Variants in CORO2B observed in about 807,000 individuals in gnomAD.
CORO2B encodes coronin-2B.
Under a neutral mutation model 58.8 loss-of-function variants are expected in CORO2B, and 26 were observed. That is an observed-to-expected ratio of 0.44 (90% CI 0.32 to 0.61). The LOEUF (loss-of-function observed/expected upper bound fraction) is 0.61, where lower values mean the gene tolerates loss of function less well. Ranked by LOEUF, CORO2B falls within the 20% of genes least tolerant of loss-of-function variation. The pLI is 0.04. For synonymous variants in CORO2B, 242 were observed against 253.8 expected (o/e 0.95, Z 0.44); for missense variants, 460 against 645.1 (o/e 0.71, Z 3.11).
intron 2 of CORO2B, among the ~76,000 whole-genome samples, chr15:68,687,982 G>C (rs886295742): frequency 6.6e-6 from 1 of 152,144 alleles, no homozygotes; most frequent in Non-Finnish European, 1.5e-5. Flanking sequence ...ATGAACTCTG[G>C]GGAACATGTT....
At chr15:68,590,793 G>A (rs900258693) in intron 1 of CORO2B, among the ~76,000 whole-genome samples, 2 of 152,164 alleles carry the variant, frequency 1.3e-5, no homozygotes, top group African/African-American at 4.8e-5. Context: ...AATGAGGCAG[G>A]AGGGAGAGCT....
chr15:68,680,180 G>T (rs1902733299), intron 2 of CORO2B, among the ~76,000 whole-genome samples: 1 of 152,260 alleles, frequency 6.6e-6, no homozygotes. Flanking sequence ...CCACTTCAAT[G>T]ACAACAGTAT....
At chr15:68,611,633 T>C (rs1376487484) in intron 1 of CORO2B, among the ~76,000 whole-genome samples, 3 of 152,204 alleles carry the variant, frequency 2.0e-5, no homozygotes, top group South Asian at 2.1e-4. Flanking sequence ...CTACAATTGA[T>C]TGAATTAGAT....
intron 11 of CORO2B, among the ~76,000 whole-genome samples, chr15:68,720,504 T>C (rs1893135820): frequency 6.6e-6 from 1 of 152,204 alleles, no homozygotes; most frequent in Non-Finnish European, 1.5e-5. Flanking sequence ...AGTTACACTG[T>C]CCACTGGGGC....
Position 68,725,913 on chromosome 15 carries a change from T to C in CORO2B, c.1382T>C (p.Ile461Thr). 6.2e-7 allele frequency: 1 copy of C among 1,614,018 alleles called. No homozygotes were observed. Among genetic ancestry groups the C allele is most frequent in the South Asian group, 1.1e-5 (1 of 91,078 alleles). The change falls in exon 12 of 12, where the codon ATC becomes ACC. Residue 461 changes from isoleucine to threonine, a missense_variant. By Grantham distance (89) the Ile-to-Thr change is moderately conservative. Around this residue, in one of 2 missense-constraint regions of CORO2B, gnomAD observed 108 missense variants for 102.1 expected, o/e 1.06. Transcript: ENST00000261861. ...RLKEELAQKD[I>T]RIRQLQLELK... ...AAAGAGGAGCTGGCCCAGAAGGACA[T>C]CCGCATTCGGCAGCTCCAGCTGGAA...
chr15:68,663,910 A>G (rs1249901241), intron 2 of CORO2B, among the ~76,000 whole-genome samples: 2 of 152,220 alleles, frequency 1.3e-5, no homozygotes, highest in Non-Finnish European at 2.9e-5. Flanking sequence ...AATTGTTTAT[A>G]TGCTTTGTTC....
chr15:68,646,609 G>A (rs571864036), intron 2 of CORO2B, among the ~76,000 whole-genome samples: 1 of 152,182 alleles, frequency 6.6e-6, no homozygotes, highest in Non-Finnish European at 1.5e-5. Flanking sequence ...ATGGCGGGAG[G>A]TCTGGGTTCT....
chr15:68,575,284 G>A (rs1240627034), upstream of CORO2B, among the ~76,000 whole-genome samples: 1 of 152,056 alleles, frequency 6.6e-6, no homozygotes, highest in East Asian at 1.9e-4. Flanking sequence ...GGTCTCTGGG[G>A]AACTGAGCCT....
intron 1 of CORO2B, among the ~76,000 whole-genome samples, chr15:68,606,336 T>C (rs1207170049): frequency 6.6e-6 from 1 of 152,122 alleles, no homozygotes. Context: ...TGGAGATCCC[T>C]CCAGGCCAGT....
chr15:68,594,290 T>C (rs1375408435), intron 1 of CORO2B, among the ~76,000 whole-genome samples: 1 of 152,160 alleles, frequency 6.6e-6, no homozygotes, highest in Non-Finnish European at 1.5e-5. Flanking sequence ...GGGGCAGCAG[T>C]GACTGAAGCA....
At chr15:68,518,975 T>G in the CORO2B span, among the ~76,000 whole-genome samples, 1 of 152,172 alleles carries the variant, frequency 6.6e-6, no homozygotes, top group Admixed American at 6.5e-5. Flanking sequence ...GTGCCCCAGT[T>G]GCCTTGTTCC....
chr15:68,583,167 T>C (rs535216234), intron 1 of CORO2B, among the ~76,000 whole-genome samples: 55 of 152,264 alleles, frequency 3.6e-4, no homozygotes, highest in African/African-American at 1.3e-3. Context: ...TCCTGCTGAA[T>C]GTGAAAGGAC....
chr15:68,606,659 A>G (rs1900132745), intron 1 of CORO2B, among the ~76,000 whole-genome samples: 1 of 152,200 alleles, frequency 6.6e-6, no homozygotes, highest in South Asian at 2.1e-4. Flanking sequence ...AGAAACATTG[A>G]AAGGATGAGG....
At position 68,579,214 on chromosome 15, in the gene CORO2B, C is replaced by T; in HGVS notation, c.-49C>T. 3.8e-6 allele frequency: 4 copies of T among 1,044,178 alleles called. No individual in the cohort carries two copies. Among genetic ancestry groups the T allele is most frequent in the Non-Finnish European group, 3.4e-6 (3 of 871,356 alleles). The allele number at this position is 1,044,178 out of a possible 1,614,324, so 64.7% of individuals were successfully genotyped here. The stretch of plus-strand genomic sequence containing the variant: ...CGCCGCCGCCCCGGGCCGCCGCCGC[C>T]GCCCCCGCACGCCGCGCCCGCGCCC... On this transcript the variant is annotated 5_prime_UTR_variant, in exon 1 of 12. Transcript: ENST00000261861.
At chr15:68,705,660 C>T (rs112000422) in intron 3 of CORO2B, among the ~76,000 whole-genome samples, 57 of 152,258 alleles carry the variant, frequency 3.7e-4, no homozygotes, top group African/African-American at 1.3e-3. Flanking sequence ...TTCCATGAGA[C>T]TTGAATCCAG....
In CORO2B at chr15:68,608,184, G is replaced by A. The variant is rs189561871; in HGVS notation, c.15+28907G>A. Among the ~76,000 whole-genome samples, 8 of 152,378 alleles carry A rather than the reference G, an allele frequency of 5.3e-5. No homozygotes were observed. The East Asian group carries it at 1.5e-3, about 29-fold the overall frequency. On this transcript the variant is annotated intron_variant, in intron 1 of 11. Transcript: ENST00000261861. ...TAGGCAACCCAAACCAGACATGGGG[G>A]GCCTGAGCACGGCCACTGCAGGCCC... is the stretch of plus-strand genomic sequence containing the variant.
At chr15:68,701,958 C>T (rs1427964146) in intron 3 of CORO2B, among the ~76,000 whole-genome samples, 1 of 152,074 alleles carries the variant, frequency 6.6e-6, no homozygotes, top group Non-Finnish European at 1.5e-5. Flanking sequence ...AATAACTTGC[C>T]CAGGCCGGGC....
chr15:68,587,782 G>A (rs1175403809), intron 1 of CORO2B, among the ~76,000 whole-genome samples: 2 of 152,224 alleles, frequency 1.3e-5, no homozygotes, highest in East Asian at 3.9e-4. Context: ...TTGCAGAAAT[G>A]GAGGTCCAGG....
chr15:68,521,689 T>G, the CORO2B span, among the ~76,000 whole-genome samples: 2 of 152,206 alleles, frequency 1.3e-5, no homozygotes, highest in East Asian at 1.9e-4. Context: ...CATTGTCTTC[T>G]GGCTTTCATC....
Sources: gnomAD v4.1 joint callset for allele counts (sites outside exome capture counted in the v4.1 genomes callset) on GRCh38, gnomAD v4.1.1 for gene constraint, gnomAD v4.1.1 regional missense constraint, MANE v1.5 for transcripts, NCBI Gene and HGNC (gene_info 2026-07-23, HGNC 2026-07-21) for gene names.